The following XRCC4 variants were observed in gnomAD, a reference collection of about 807,000 sequenced individuals.
The protein encoded by XRCC4 is DNA repair protein XRCC4.
In XRCC4, 28 loss-of-function variants were observed where a neutral mutation model predicts 39.1. That is an observed-to-expected ratio of 0.72 (90% CI 0.53 to 0.98). The LOEUF is 0.98. XRCC4 is among the 50% of genes least tolerant of loss of function. The pLI is 0.00. For missense variants in XRCC4, 350 were observed against 376.4 expected (o/e 0.93, Z 0.58); for synonymous variants, 123 against 126.4 (o/e 0.97, Z 0.18).
chr5:83,105,710 C>G (rs1022670290), intron 2 of XRCC4, among the ~76,000 whole-genome samples: 1 of 152,018 alleles, frequency 6.6e-6, no homozygotes, highest in Non-Finnish European at 1.5e-5. Flanking sequence ...AGTTTTAATA[C>G]TCTTCTAAAG....
chr5:83,192,319 ATT>A (rs1554063299), intron 3 of XRCC4, among the ~76,000 whole-genome samples: 1 of 143,500 alleles, frequency 7.0e-6, no homozygotes, highest in African/African-American at 2.6e-5. Flanking sequence ...ATATATATAT[ATT>A]TTTTTGAGAC....
intron 3 of XRCC4, among the ~76,000 whole-genome samples, chr5:83,134,143 C>T (rs1374205544): frequency 1.3e-5 from 2 of 152,098 alleles, no homozygotes; most frequent in Admixed American, 6.6e-5. Flanking sequence ...AGCAGGTCTC[C>T]GTCTCTTTCT....
chr5:83,116,465 T>C (rs937680412), intron 3 of XRCC4, among the ~76,000 whole-genome samples: 6 of 152,130 alleles, frequency 3.9e-5, no homozygotes, highest in Admixed American at 1.3e-4. Flanking sequence ...TATATAAGAA[T>C]TGTTTGAAAT....
At chr5:83,156,334 G>C (rs1748962132) in intron 3 of XRCC4, among the ~76,000 whole-genome samples, 1 of 150,942 alleles carries the variant, frequency 6.6e-6, no homozygotes, top group South Asian at 2.1e-4. Context: ...ATTCTAGAAG[G>C]AGAAATATGT....
Position 83,129,978 on chromosome 5 carries a change from G to T in XRCC4, c.315+18775G>T, listed in dbSNP as rs1747482261. 2.6e-5 allele frequency among the ~76,000 whole-genome samples: 4 copies of T among 151,994 alleles called. 1 individual carries two copies. The highest frequency in any genetic ancestry group is 2.6e-4 in the Admixed American group (4 of 15,248). On this transcript the variant is annotated intron_variant, in intron 3 of 7. Coordinates refer to ENST00000396027, the MANE Select transcript of XRCC4 (RefSeq NM_003401.5). ...CTTTATTTCCTTCTCCTGCCTAATT[G>T]CCCTGGCCAGAACATCCAACACTGT...
intron 3 of XRCC4, among the ~76,000 whole-genome samples, chr5:83,132,640 A>G (rs921409211): frequency 4.6e-5 from 7 of 152,004 alleles, no homozygotes; most frequent in South Asian, 4.2e-4. Context: ...TTGATCTTCA[A>G]TCACTGATAC....
At chr5:83,147,001 A>G (rs899218994) in intron 3 of XRCC4, among the ~76,000 whole-genome samples, 4 of 152,248 alleles carry the variant, frequency 2.6e-5, no homozygotes, top group Non-Finnish European at 4.4e-5. Flanking sequence ...ATCTGAAGTC[A>G]GATGGTCCTG....
At chr5:83,282,551 A>T (rs1430256693) in intron 7 of XRCC4, among the ~76,000 whole-genome samples, 2 of 152,114 alleles carry the variant, frequency 1.3e-5, no homozygotes, top group East Asian at 3.9e-4. Flanking sequence ...GATCATAAAA[A>T]TAAAAATTTG....
intron 7 of XRCC4, among the ~76,000 whole-genome samples, chr5:83,293,633 C>A (rs1262253866): frequency 1.3e-5 from 2 of 151,902 alleles, no homozygotes; most frequent in East Asian, 3.9e-4. Flanking sequence ...CCATTTTGCC[C>A]TATATTTATG....
At chr5:83,214,308 A>T (rs1751763227) in intron 6 of XRCC4, among the ~76,000 whole-genome samples, 1 of 152,220 alleles carries the variant, frequency 6.6e-6, no homozygotes, top group Non-Finnish European at 1.5e-5. Flanking sequence ...ACACTACGGA[A>T]TTCACTAAAA....
At chr5:83,332,268 G>C (rs984612784) in intron 7 of XRCC4, among the ~76,000 whole-genome samples, 72 of 123,080 alleles carry the variant, frequency 5.8e-4, no homozygotes, top group Non-Finnish European at 5.5e-4. Flanking sequence ...CACACACACA[G>C]AAAGAGAGAG....
intron 1 of XRCC4, among the ~76,000 whole-genome samples, chr5:83,081,856 G>T (rs768469425): frequency 2.0e-5 from 3 of 151,968 alleles, no homozygotes; most frequent in Non-Finnish European, 4.4e-5. Context: ...ATCTTCATTG[G>T]TATATTTAAA....
At chr5:83,101,699 T>C (rs987060749) in intron 1 of XRCC4, among the ~76,000 whole-genome samples, 12 of 152,090 alleles carry the variant, frequency 7.9e-5, no homozygotes, top group African/African-American at 2.7e-4. Flanking sequence ...GGTCTATGCC[T>C]GAGCTTGTCC....
intron 2 of XRCC4, among the ~76,000 whole-genome samples, chr5:83,107,050 A>G (rs7736783): frequency 0.077 from 11,707 of 151,824 alleles, 1,130 homozygotes; most frequent in East Asian, 0.48. Flanking sequence ...ATGTATTCTC[A>G]GGTGGATTGT....
intron 7 of XRCC4, among the ~76,000 whole-genome samples, chr5:83,284,101 A>AATC (rs1316664261): frequency 1.3e-5 from 2 of 150,720 alleles, no homozygotes; most frequent in Non-Finnish European, 3.0e-5. Context: ...GATGAAAGGT[A>AATC]ATCAAATACA....
At chr5:83,128,279 CA>C (rs1280901664) in intron 3 of XRCC4, among the ~76,000 whole-genome samples, 2 of 152,116 alleles carry the variant, frequency 1.3e-5, no homozygotes, top group Non-Finnish European at 2.9e-5. Flanking sequence ...CAGCTTCATC[CA>C]TGTCCCTACG....
At chr5:83,228,484 G>T (rs150373949) in intron 6 of XRCC4, among the ~76,000 whole-genome samples, 7 of 152,106 alleles carry the variant, frequency 4.6e-5, no homozygotes, top group African/African-American at 1.7e-4. Flanking sequence ...ATATTTTCAA[G>T]AATTACTATT....
chr5:83,140,410 C>A (rs1748111965), intron 3 of XRCC4, among the ~76,000 whole-genome samples: 1 of 152,200 alleles, frequency 6.6e-6, no homozygotes, highest in African/African-American at 2.4e-5. Context: ...CCAGAAGACT[C>A]AGCAAGCAGC....
intron 7 of XRCC4, among the ~76,000 whole-genome samples, chr5:83,303,070 G>A (rs1163107342): frequency 6.6e-6 from 1 of 152,086 alleles, no homozygotes; most frequent in African/African-American, 2.4e-5. Flanking sequence ...AAAATCAGCT[G>A]GGTGTGGTGG....
Sources: allele counts gnomAD v4.1 joint callset (sites outside exome capture counted in the v4.1 genomes callset), GRCh38; gene constraint gnomAD v4.1.1; transcripts MANE v1.5; gene names NCBI Gene and HGNC (gene_info 2026-07-23, HGNC 2026-07-21).